Variants in PTGFRN observed in about 807,000 individuals in gnomAD.
The protein encoded by PTGFRN is prostaglandin F2 receptor inhibitor.
Under a neutral mutation model 83.2 loss-of-function variants are expected in PTGFRN, and 35 were observed. The ratio of observed to expected loss-of-function variants is 0.42; its 90% CI spans 0.32 to 0.56. The LOEUF (loss-of-function observed/expected upper bound fraction) is 0.56. Among genes scored for constraint, PTGFRN ranks in the 20% least tolerant of loss-of-function variants. The pLI is 0.11. For synonymous variants in PTGFRN, 519 were observed against 498.6 expected (o/e 1.04, Z -0.55); for missense variants, 1,051 against 1,179.5 (o/e 0.89, Z 1.60).
chr1:116,945,126 A>G (rs1650164468), intron 3 of PTGFRN, 34 bp downstream of exon 3: 2 of 1,566,032 alleles, frequency 1.3e-6, no homozygotes, highest in Non-Finnish European at 1.7e-6. Flanking sequence ...AGGTGATGTT[A>G]TTTTGTGACT....
In PTGFRN at chr1:116,916,253, A is replaced by G. The variant is rs529946592; in HGVS notation, c.49+6001A>G. ...ATATTTACCTCACTTGGGATATTTC[A>G]TAGGAGTGGAGAAGAACCCGTGGCT... On this transcript the variant is annotated intron_variant, in intron 1 of 8. Transcript: ENST00000393203. Among the ~76,000 whole-genome samples, 11 of 152,306 alleles carry G rather than the reference A, an allele frequency of 7.2e-5. No homozygotes were observed. In the South Asian group the frequency reaches 2.3e-3, roughly 32 times the overall value.
At chr1:116,980,732 C>T (rs1344103103) in intron 7 of PTGFRN, among the ~76,000 whole-genome samples, 2 of 152,112 alleles carry the variant, frequency 1.3e-5, no homozygotes, top group Non-Finnish European at 1.5e-5. Context: ...GGAGGGATAG[C>T]ATTAGGAGAT....
At chr1:116,984,574 G>T in intron 7 of PTGFRN, 106 bp from the exon 8 acceptor site, 1 of 1,040,992 alleles carries the variant, frequency 9.6e-7, no homozygotes, top group Non-Finnish European at 1.4e-6. Context: ...AAGGCATGTA[G>T]TGTTGTGCTT....
rs776533498 is a variant in PTGFRN, at chr1:116,984,806, ACCT to A, written c.2296_2298del (p.Leu766del). 6.2e-7 allele frequency: 1 copy of A among 1,613,936 alleles called. No individual in the cohort carries two copies. The highest frequency in any genetic ancestry group is 8.5e-7 in the Non-Finnish European group (1 of 1,179,982). ...ACCTCCCGGAGGGACTGGAAGAGCG[ACCT>A]CAGCCTGGAGCGCGTGAGTGTGCTG... On this transcript the variant is annotated inframe_deletion, in exon 8 of 9. Coordinates refer to ENST00000393203, the MANE Select transcript of PTGFRN (RefSeq NM_020440.4).
intron 7 of PTGFRN, among the ~76,000 whole-genome samples, chr1:116,981,477 AG>A (rs1452031891): frequency 1.3e-5 from 2 of 152,210 alleles, no homozygotes; most frequent in African/African-American, 4.8e-5. Context: ...TTCTGTATGA[AG>A]GGGCAAGCTC....
chr1:116,975,613 G>C (rs1165493177), intron 7 of PTGFRN, among the ~76,000 whole-genome samples: 1 of 152,178 alleles, frequency 6.6e-6, no homozygotes, highest in Non-Finnish European at 1.5e-5. Context: ...AGGCAAACAG[G>C]GTCTGGAGTG....
In PTGFRN at chr1:116,967,166, A is replaced by G. The variant is rs1396698481; in HGVS notation, c.1895A>G (p.Lys632Arg). 1.3e-5 allele frequency: 21 copies of G among 1,614,066 alleles called. No individual in the cohort carries two copies. In the Admixed American group the frequency reaches 3.5e-4, roughly 27 times the overall value. Residue 632 changes from lysine (K) to arginine (R), a missense_variant, in exon 6 of 9, where the codon AAA becomes AGA. Physicochemically the swap from Lys to Arg is conservative, Grantham distance 26. Transcript: ENST00000393203. ...ASRVDGVVLE[K>R]VQEDEFRYRM... ...CGGGTGGATGGCGTTGTTTTAGAAA[A>G]AGTGCAGGAGGATGAGTTCCGCTAT... is the stretch of plus-strand genomic sequence containing the variant.
chr1:116,944,774 G>T lies in PTGFRN; in HGVS notation c.514G>T (p.Ala172Ser). The T allele has an allele frequency of 6.4e-7, 1 of 1,555,720 alleles. No individual in the cohort carries two copies. Residue 172 changes from alanine to serine, a missense_variant, in exon 3 of 9, where the codon GCC becomes TCC. Ala to Ser is a moderately conservative substitution (Grantham distance 99, BLOSUM62 1). This residue lies in a region of PTGFRN where 205 missense variants were observed against 174.5 expected (regional missense o/e 1.17). Coordinates refer to ENST00000393203, the MANE Select transcript of PTGFRN (RefSeq NM_020440.4). Reference sequence around the variant, plus strand: ...GCCCTTCGAGCTGCGCTGCACCGCCGCCTCCGCCTCGCCGCTGCACACGCA... The same window carrying T: ...GCCCTTCGAGCTGCGCTGCACCGCCTCCTCCGCCTCGCCGCTGCACACGCA... The part of the protein sequence containing the change: ...GEPFELRCTA[A>S]SASPLHTHLA...
intron 1 of PTGFRN, among the ~76,000 whole-genome samples, chr1:116,933,544 CTTCTCACAT>C (rs1649850811): frequency 6.6e-6 from 1 of 152,158 alleles, no homozygotes. Context: ...CTCACTTTGC[CTTCTCACAT>C]TTCCATGATT....
At chr1:116,979,864 G>C (rs1273621627) in intron 7 of PTGFRN, among the ~76,000 whole-genome samples, 1 of 152,186 alleles carries the variant, frequency 6.6e-6, no homozygotes, top group Non-Finnish European at 1.5e-5. Flanking sequence ...AGCCAAAATA[G>C]ACAAATGGGA....
rs775684956 is a variant in PTGFRN at position 116,944,825 on chromosome 1, C to T, written c.565C>T (p.Arg189Cys). The change falls in exon 3 of 9, where the codon CGC becomes TGC. Residue 189 changes from arginine (R) to cysteine (C), a missense_variant. By Grantham distance (180) the Arg-to-Cys change is radical. This residue lies in a region of PTGFRN where 205 missense variants were observed against 174.5 expected (regional missense o/e 1.17). Transcript: ENST00000393203. Reference protein sequence around the residue: ...THLALLWEVHRGPARRSVLAL... With the variant: ...THLALLWEVHCGPARRSVLAL... ...CCTGGCGCTGCTGTGGGAGGTGCACCGCGGCCCGGCCAGGCGGAGCGTCCT... is the reference window on the plus strand; with the variant it reads ...CCTGGCGCTGCTGTGGGAGGTGCACTGCGGCCCGGCCAGGCGGAGCGTCCT... 2 of 1,578,134 alleles carry T rather than the reference C, an allele frequency of 1.3e-6. No homozygotes were observed. The highest frequency in any genetic ancestry group is 1.7e-6 in the Non-Finnish European group (2 of 1,165,382).
Position 116,984,321 on chromosome 1 carries a change from A to G in PTGFRN, c.2168-359A>G, listed in dbSNP as rs896188809. ...GTCCTGGCATACCAGCTTTCGGATC[A>G]GTGTTCTCTGTGGGAGACAGTTTTT... On this transcript the variant is annotated intron_variant, in intron 7 of 8. Transcript: ENST00000393203. Among the ~76,000 whole-genome samples, 7 of 151,718 alleles carry G rather than the reference A, an allele frequency of 4.6e-5. No individual in the cohort carries two copies. The South Asian group carries it at 1.5e-3, about 32-fold the overall frequency.
intron 5 of PTGFRN, among the ~76,000 whole-genome samples, chr1:116,966,694 C>T (rs1327232663): frequency 6.6e-6 from 1 of 152,246 alleles, no homozygotes; most frequent in Non-Finnish European, 1.5e-5. Context: ...TCTCTCCTGA[C>T]ACCCACTGAT....
At chr1:116,965,293 TA>T (rs1650792164) in intron 5 of PTGFRN, among the ~76,000 whole-genome samples, 1 of 152,174 alleles carries the variant, frequency 6.6e-6, no homozygotes, top group Non-Finnish European at 1.5e-5. Flanking sequence ...ATTTTAATTT[TA>T]TTTTTTTAGA....
chr1:116,969,309 T>G (rs902041203), intron 6 of PTGFRN, among the ~76,000 whole-genome samples: 4 of 152,196 alleles, frequency 2.6e-5, no homozygotes, highest in Non-Finnish European at 5.9e-5. Flanking sequence ...AACTTTATTA[T>G]GTTGCATGGA....
rs1403136519 is a variant in PTGFRN at position 116,918,064 on chromosome 1, A to AT, written c.49+7816dup. On this transcript the variant is annotated intron_variant, in intron 1 of 8. Coordinates refer to ENST00000393203, the MANE Select transcript of PTGFRN (RefSeq NM_020440.4). This position sits in a 1 kb window ranked among gnomAD's most constrained non-coding sequence, Gnocchi z 4.1. ...GAATCTCTAGCACAGGGACTCTTGC[A>AT]TTTTATAATCCATCTTTCTCTTATT... Among the ~76,000 whole-genome samples the AT allele has an allele frequency of 2.6e-5, 4 of 152,216 alleles. No individual in the cohort carries two copies. The highest frequency in any genetic ancestry group is 5.9e-5 in the Non-Finnish European group (4 of 68,036).
chr1:116,944,924 C>T lies in PTGFRN; in HGVS notation c.664C>T (p.Leu222Phe). 4 of 1,612,886 alleles carry T rather than the reference C, an allele frequency of 2.5e-6. No individual in the cohort carries two copies. Among genetic ancestry groups the T allele is most frequent in the Non-Finnish European group, 3.4e-6 (4 of 1,179,986 alleles). ...EQRYHSGDVR[L>F]DTVGSDAYRL... Reference sequence around the variant, plus strand: ...GCGCTACCACAGTGGGGACGTGCGCCTCGACACCGTGGGCAGCGACGCCTA... The same window carrying T: ...GCGCTACCACAGTGGGGACGTGCGCTTCGACACCGTGGGCAGCGACGCCTA... The change falls in exon 3 of 9, where the codon CTC (leucine) becomes TTC (phenylalanine). Residue 222 changes from leucine (L) to phenylalanine (F), a missense_variant. Leu to Phe is a conservative substitution (Grantham distance 22). Around this residue, in one of 3 missense-constraint regions of PTGFRN, gnomAD observed 205 missense variants for 174.5 expected, o/e 1.17. Coordinates refer to ENST00000393203, the MANE Select transcript of PTGFRN (RefSeq NM_020440.4).
At chr1:116,920,332 C>G (rs1170632995) in intron 1 of PTGFRN, among the ~76,000 whole-genome samples, 3 of 152,230 alleles carry the variant, frequency 2.0e-5, no homozygotes, top group Non-Finnish European at 4.4e-5. Flanking sequence ...TAAGCCATTT[C>G]TAGATGACAG....
chr1:116,931,733 T>G (rs1190729660), intron 1 of PTGFRN, among the ~76,000 whole-genome samples: 1 of 152,184 alleles, frequency 6.6e-6, no homozygotes, highest in Admixed American at 6.5e-5. Flanking sequence ...GTTTTTCATT[T>G]GTTGAGTCAG....
Sources: gnomAD v4.1 joint callset for allele counts (sites outside exome capture counted in the v4.1 genomes callset) on GRCh38, gnomAD v4.1.1 for gene constraint, gnomAD v4.1.1 regional missense constraint, Gnocchi (gnomAD v3.1) non-coding constraint, MANE v1.5 for transcripts, NCBI Gene and HGNC (gene_info 2026-07-23, HGNC 2026-07-21) for gene names.